Variants in P2RY8 observed in about 807,000 individuals in gnomAD.
P2RY8 encodes the protein P2Y receptor family member 8, also known as S-geranylgeranyl-glutathione receptor P2RY8.
P2RY8 carries 6 observed loss-of-function variants against 10.0 expected under a neutral mutation model. The ratio of observed to expected loss-of-function variants is 0.60; its 90% CI spans 0.33 to 1.19. P2RY8 has a LOEUF of 1.19. P2RY8 is among the 50% of genes most tolerant of loss of function. The probability of loss-of-function intolerance (pLI) is 0.04; values close to 1 mark genes in which losing one functional copy is unlikely to be tolerated. For missense variants in P2RY8, 456 were observed against 542.0 expected, an observed-to-expected ratio of 0.84 and a Z score of 1.58; for synonymous variants, 276 against 252.5, an observed-to-expected ratio of 1.09 and a Z score of -0.88.
chrX:1,513,026 C>T (rs777945777), intron 1 of P2RY8, among the ~76,000 whole-genome samples: 2 of 150,668 alleles, frequency 1.3e-5, no homozygotes, highest in Non-Finnish European at 2.9e-5. Flanking sequence ...CCCTTGCCCC[C>T]CCACCCCCCA....
chrX:1,481,463 C>T (rs1267394283), intron 1 of P2RY8, among the ~76,000 whole-genome samples: 1 of 152,154 alleles, frequency 6.6e-6, no homozygotes, highest in East Asian at 1.9e-4. Context: ...CGTGCCCGGC[C>T]AGGTAGTCAC....
At chrX:1,479,893 G>A (rs2091915462) in intron 1 of P2RY8, among the ~76,000 whole-genome samples, 1 of 152,124 alleles carries the variant, frequency 6.6e-6, no homozygotes, top group Non-Finnish European at 1.5e-5. Flanking sequence ...TGATCACCTA[G>A]ATGAAAAGAA....
chrX:1,485,649 T>A (rs1421833369), intron 1 of P2RY8, among the ~76,000 whole-genome samples: 4 of 148,010 alleles, frequency 2.7e-5, no homozygotes, highest in African/African-American at 9.8e-5. Flanking sequence ...ATATTATTTA[T>A]ATATATTATT....
At chrX:1,522,240 C>A (rs2092398504) in intron 1 of P2RY8, among the ~76,000 whole-genome samples, 1 of 151,776 alleles carries the variant, frequency 6.6e-6, no homozygotes, top group Admixed American at 6.6e-5. Flanking sequence ...CAGGCGTGAG[C>A]CACCATGCCC....
intron 1 of P2RY8, among the ~76,000 whole-genome samples, chrX:1,487,532 G>T (rs191361775): frequency 4.6e-5 from 7 of 152,066 alleles, no homozygotes; most frequent in African/African-American, 7.2e-5. Flanking sequence ...AGAAGATGCC[G>T]CACTCTGCCT....
At chrX:1,474,035 G>C (rs112351527) in intron 1 of P2RY8, among the ~76,000 whole-genome samples, 1 of 128,514 alleles carries the variant, frequency 7.8e-6, no homozygotes, top group African/African-American at 3.0e-5. Flanking sequence ...GGGTGGATGG[G>C]TGGATGAATG....
rs765484720 is a variant in P2RY8, at chrX:1,465,801, T to C, written c.758A>G (p.Asn253Ser). Residue 253 changes from asparagine (N) to serine (S), a missense_variant, in exon 2 of 2, where the codon AAC (asparagine) becomes AGC (serine). Physicochemically the swap from Asn to Ser is conservative, Grantham distance 46. Transcript: ENST00000381297. The stretch of plus-strand genomic sequence containing the variant: ...GATGTGCGCCAGGAGCACGAAGTTG[T>C]TGGGGGCGAAGCAGGTGACAAAGGC... The part of the protein sequence containing the change: ...LLAFVTCFAP[N>S]NFVLLAHIVS... 2 of 1,613,378 alleles carry C rather than the reference T, an allele frequency of 1.2e-6. No individual in the cohort carries two copies. The highest frequency in any genetic ancestry group is 8.5e-7 in the Non-Finnish European group (1 of 1,179,822).
chrX:1,484,724 TAAAAAAAA>T (rs1171758279), intron 1 of P2RY8, among the ~76,000 whole-genome samples: 43 of 16,796 alleles, frequency 2.6e-3, no homozygotes, highest in African/African-American at 6.8e-3. Flanking sequence ...CAAAACCCTG[TAAAAAAAA>T]AAAAAAAAAA....
chrX:1,469,674 G>A (rs1488205564), intron 1 of P2RY8, among the ~76,000 whole-genome samples: 2 of 151,418 alleles, frequency 1.3e-5, no homozygotes, highest in South Asian at 2.1e-4. Context: ...GGCAGATCAC[G>A]AGGTCAGGAG....
At chrX:1,524,864 A>T (rs867009671) in intron 1 of P2RY8, among the ~76,000 whole-genome samples, 58 of 41,516 alleles carry the variant, frequency 1.4e-3, no homozygotes, top group Admixed American at 2.1e-3. Flanking sequence ...CATCCATTCA[A>T]CCATCCACTC....
Position 1,497,527 on chromosome X carries a change from G to A in P2RY8, c.-24-30945C>T, listed in dbSNP as rs1239026849. On this transcript the variant is annotated intron_variant, in intron 1 of 1. Coordinates refer to ENST00000381297, the MANE Select transcript of P2RY8 (RefSeq NM_178129.5). ...ACACAAATTAGCCGGGCATGGTGGCGGGTGCCTGTAATCCCAGCTACTCAG... is the reference window on the plus strand; with the variant it reads ...ACACAAATTAGCCGGGCATGGTGGCAGGTGCCTGTAATCCCAGCTACTCAG... 5.3e-5 allele frequency among the ~76,000 whole-genome samples: 8 copies of A among 151,742 alleles called. No individual in the cohort carries two copies. In the East Asian group the frequency reaches 5.9e-4, roughly 11 times the overall value.
At chrX:1,530,232 GTATGTATC>G (rs1452504170) in intron 1 of P2RY8, among the ~76,000 whole-genome samples, 8 of 122,178 alleles carry the variant, frequency 6.5e-5, no homozygotes, top group Admixed American at 8.0e-5. Context: ...ATGTATCTAT[GTATGTATC>G]TATCTATCTC....
chrX:1,517,893 G>A (rs758775099), intron 1 of P2RY8, among the ~76,000 whole-genome samples: 95 of 152,184 alleles, frequency 6.2e-4, no homozygotes, highest in African/African-American at 2.1e-3. Context: ...CAGACCACCT[G>A]AGGTCAGGAG....
At chrX:1,466,690 C>T in intron 1 of P2RY8, 108 bp from the exon 2 acceptor site, 2 of 1,086,430 alleles carry the variant, frequency 1.8e-6, no homozygotes, top group African/African-American at 1.6e-5. Flanking sequence ...GGGGGAGATG[C>T]TTTAGCAGGG....
intron 1 of P2RY8, among the ~76,000 whole-genome samples, chrX:1,493,548 G>C (rs5989754): frequency 0.76 from 115,791 of 151,854 alleles, 44,486 homozygotes; most frequent in East Asian, 1. Flanking sequence ...CAGTCGACGT[G>C]AACTATTTTT....
chrX:1,482,902 A>T (rs2091951122), intron 1 of P2RY8, among the ~76,000 whole-genome samples: 2 of 148,544 alleles, frequency 1.3e-5, no homozygotes, highest in South Asian at 4.5e-4. Flanking sequence ...ATGAGAACAC[A>T]TGGACACAGG....
Position 1,463,164 on chromosome X carries a change from T to C in P2RY8, c.*2315A>G. The C allele has an allele frequency of 4.3e-6, 1 of 233,176 alleles. No homozygotes were observed. The allele number at this position is 233,176 out of a possible 1,614,324, so 14.4% of individuals were successfully genotyped here. A position where few individuals can be genotyped will look rare whatever the true frequency, so the allele number is the denominator to read the frequency against. On this transcript the variant is annotated 3_prime_UTR_variant, in exon 2 of 2. Transcript: ENST00000381297. ...CTGTGAAGATGCTACTCTGAGGTTT[T>C]TCACAGTTTTTTTTCCCCCATGAGA... is the stretch of plus-strand genomic sequence containing the variant.
intron 1 of P2RY8, among the ~76,000 whole-genome samples, chrX:1,485,067 A>G (rs111963538): frequency 6.7e-6 from 1 of 148,480 alleles, no homozygotes; most frequent in Non-Finnish European, 1.5e-5. Flanking sequence ...AGACTCAAGA[A>G]ATCCTCCTGC....
rs1350344521 is a variant in P2RY8, at chrX:1,509,993, T to C, written c.-25+26928A>G. On this transcript the variant is annotated intron_variant, in intron 1 of 1. Coordinates refer to ENST00000381297, the MANE Select transcript of P2RY8 (RefSeq NM_178129.5). ...TCCATCCATCCATCCATCATCTATGTATCTATGTATCTATCCATTCATTGT... is the reference window on the plus strand; with the variant it reads ...TCCATCCATCCATCCATCATCTATGCATCTATGTATCTATCCATTCATTGT... Among the ~76,000 whole-genome samples the C allele has an allele frequency of 4.6e-5, 7 of 152,114 alleles. No individual in the cohort carries two copies. In the South Asian group the frequency reaches 1.2e-3, roughly 27 times the overall value.
Sources: allele counts gnomAD v4.1 joint callset (sites outside exome capture counted in the v4.1 genomes callset), GRCh38; gene constraint gnomAD v4.1.1; transcripts MANE v1.5; gene names NCBI Gene and HGNC (gene_info 2026-07-23, HGNC 2026-07-21).